Variants in FGF12 observed in about 807,000 individuals in gnomAD.
FGF12 encodes fibroblast growth factor 12B.
Under a neutral mutation model 23.6 loss-of-function variants are expected in FGF12, and 14 were observed. That is an observed-to-expected ratio of 0.59 (90% CI 0.39 to 0.93). FGF12 has a LOEUF of 0.93. Among genes scored for constraint, FGF12 ranks in the 40% least tolerant of loss-of-function variants. The probability of loss-of-function intolerance (pLI) is 0.00; values close to 1 mark genes in which losing one functional copy is unlikely to be tolerated. For missense variants in FGF12, 175 were observed against 217.8 expected, an observed-to-expected ratio of 0.80 and a Z score of 1.24; for synonymous variants, 62 against 77.3, an observed-to-expected ratio of 0.80 and a Z score of 1.04.
chr3:192,549,251 C>A lies in FGF12; in HGVS notation c.13+177930G>T, dbSNP rs142857413. On this transcript the variant is annotated intron_variant, in intron 2 of 5. Transcript: ENST00000445105. Reference sequence around the variant, plus strand: ...ATGACCTGACAACAAATTGTAAAACCCTAAACGATGGCAAATGCAGTCATG... The same window carrying A: ...ATGACCTGACAACAAATTGTAAAACACTAAACGATGGCAAATGCAGTCATG... Among the ~76,000 whole-genome samples the A allele has an allele frequency of 1.6e-4, 25 of 151,986 alleles. No homozygotes were observed. In the South Asian group the frequency reaches 2.5e-3, roughly 15 times the overall value.
intron 4 of FGF12, among the ~76,000 whole-genome samples, chr3:192,322,015 G>C (rs577613227): frequency 5.9e-5 from 9 of 151,994 alleles, no homozygotes; most frequent in Non-Finnish European, 1.2e-4. Context: ...AATTGGAATG[G>C]AAGAAGTAAA....
chr3:192,411,427 A>G (rs903726235), intron 2 of FGF12, among the ~76,000 whole-genome samples: 4 of 152,244 alleles, frequency 2.6e-5, no homozygotes, highest in African/African-American at 7.2e-5. Context: ...CAGCAGTTCA[A>G]TGTGGCTGAA....
At chr3:192,447,996 G>T (rs539235245) in intron 2 of FGF12, among the ~76,000 whole-genome samples, 1 of 152,006 alleles carries the variant, frequency 6.6e-6, no homozygotes, top group African/African-American at 2.4e-5. Context: ...GACTTCTTTC[G>T]CCCAATGTTA....
chr3:192,679,688 C>T (rs890336766), intron 2 of FGF12, among the ~76,000 whole-genome samples: 4 of 152,004 alleles, frequency 2.6e-5, no homozygotes, highest in African/African-American at 9.7e-5. Context: ...TACAGGGAGG[C>T]CCCAGATCCC....
At chr3:192,419,800 G>A (rs1000575397) in intron 2 of FGF12, among the ~76,000 whole-genome samples, 4 of 152,092 alleles carry the variant, frequency 2.6e-5, no homozygotes, top group African/African-American at 4.8e-5. Context: ...AGATAGTCAC[G>A]GAAAGCACAT....
chr3:192,402,999 T>C (rs989922966), intron 2 of FGF12, among the ~76,000 whole-genome samples: 1 of 152,180 alleles, frequency 6.6e-6, no homozygotes. Context: ...GGAATCATCA[T>C]ACAATCTATA....
intron 2 of FGF12, among the ~76,000 whole-genome samples, chr3:192,655,573 C>G (rs1716379956): frequency 6.6e-6 from 1 of 152,178 alleles, no homozygotes; most frequent in African/African-American, 2.4e-5. Context: ...ATTTAGTTTA[C>G]AAGTATTACT....
In FGF12 at chr3:192,311,416, T is replaced by C. The variant is rs543950656; in HGVS notation, c.228+23945A>G. 7.9e-5 allele frequency among the ~76,000 whole-genome samples: 12 copies of C among 152,326 alleles called. No homozygotes were observed. In the South Asian group the frequency reaches 2.5e-3, roughly 32 times the overall value. ...ATAAAGTATATCTTTTGTGACTAGC[T>C]TCTTCCATATCACATAATATTTTCA... On this transcript the variant is annotated intron_variant, in intron 4 of 5. Transcript: ENST00000445105.
At chr3:192,277,172 C>T (rs954291578) in intron 4 of FGF12, among the ~76,000 whole-genome samples, 24 of 152,106 alleles carry the variant, frequency 1.6e-4, no homozygotes, top group Admixed American at 1.4e-3. Context: ...TCTCTTAGCC[C>T]GTATACTCTC....
chr3:192,218,897 C>T (rs759459111), intron 4 of FGF12, among the ~76,000 whole-genome samples: 2 of 152,186 alleles, frequency 1.3e-5, no homozygotes, highest in African/African-American at 4.8e-5. Flanking sequence ...AGCTCTATGA[C>T]CACAACACAA....
chr3:192,503,563 GT>G (rs1724194999), intron 2 of FGF12, among the ~76,000 whole-genome samples: 1 of 139,204 alleles, frequency 7.2e-6, no homozygotes, highest in Non-Finnish European at 1.5e-5. Context: ...GTGATTGTTA[GT>G]TTTTGTTTTG....
chr3:192,559,165 A>C (rs1198025632), intron 2 of FGF12, among the ~76,000 whole-genome samples: 1 of 151,986 alleles, frequency 6.6e-6, no homozygotes, highest in African/African-American at 2.4e-5. Context: ...AGCCAACCTA[A>C]AGAATGAGAA....
At chr3:192,531,223 TGTC>T (rs1329917483) in intron 2 of FGF12, among the ~76,000 whole-genome samples, 2 of 152,330 alleles carry the variant, frequency 1.3e-5, no homozygotes, top group African/African-American at 4.8e-5. Context: ...TCATTTCAGT[TGTC>T]CACTCCACAT....
At chr3:192,347,842 G>C (rs1442368015) in intron 3 of FGF12, among the ~76,000 whole-genome samples, 3 of 152,068 alleles carry the variant, frequency 2.0e-5, no homozygotes, top group Non-Finnish European at 4.4e-5. Flanking sequence ...GACTTTCCAA[G>C]GCACTTCCTT....
chr3:192,428,443 T>C (rs914350712), intron 2 of FGF12, among the ~76,000 whole-genome samples: 1 of 152,222 alleles, frequency 6.6e-6, no homozygotes, highest in Non-Finnish European at 1.5e-5. Flanking sequence ...TTTATACTCC[T>C]GACTTGTCAA....
intron 2 of FGF12, among the ~76,000 whole-genome samples, chr3:192,677,888 C>G (rs1410125449): frequency 6.6e-6 from 1 of 152,206 alleles, no homozygotes; most frequent in Non-Finnish European, 1.5e-5. Context: ...AGAGGAAACA[C>G]TGGAGTCATT....
intron 2 of FGF12, among the ~76,000 whole-genome samples, chr3:192,370,879 C>T (rs1043661727): frequency 9.9e-5 from 15 of 152,112 alleles, no homozygotes; most frequent in African/African-American, 2.4e-4. Context: ...AATCCGAATC[C>T]GAATCAATCG....
rs1724613875 is a variant in FGF12, at chr3:192,514,893, G to A, written c.14-154355C>T. ...AGGTGGAGGGGAGTTTGCACATGGA[G>A]CCGGAGGGAGCCCGGGCGCCGGCAG... On this transcript the variant is annotated intron_variant, in intron 2 of 5. Transcript: ENST00000445105. The surrounding 1 kb of genome is among the most constrained non-coding windows in gnomAD (Gnocchi z 4.9). The A allele has an allele frequency of 3.0e-6, 3 of 985,004 alleles. No individual in the cohort carries two copies. In the African/African-American group the frequency reaches 5.2e-5, roughly 17 times the overall value. The allele number at this position is 985,004 out of a possible 1,614,324, so 61.0% of individuals were successfully genotyped here.
Position 192,514,380 on chromosome 3 carries a change from A to T in FGF12, c.14-153842T>A, listed in dbSNP as rs1724591376. The stretch of plus-strand genomic sequence containing the variant: ...CCGCGAGAAGGTGCGAACGCAGGTC[A>T]CGGCCAGCGCCGCTTGGAGAGAGAC... On this transcript the variant is annotated intron_variant, in intron 2 of 5. Coordinates refer to ENST00000445105, the MANE Select transcript of FGF12 (RefSeq NM_004113.6). The surrounding 1 kb of genome is among the most constrained non-coding windows in gnomAD (Gnocchi z 4.9). Among the ~76,000 whole-genome samples, 2 of 152,224 alleles carry T rather than the reference A, an allele frequency of 1.3e-5. No homozygotes were observed. The highest frequency in any genetic ancestry group is 4.8e-5 in the African/African-American group (2 of 41,472).
Sources: gnomAD v4.1 joint callset for allele counts (sites outside exome capture counted in the v4.1 genomes callset) on GRCh38, gnomAD v4.1.1 for gene constraint, Gnocchi (gnomAD v3.1) non-coding constraint, MANE v1.5 for transcripts, NCBI Gene and HGNC (gene_info 2026-07-23, HGNC 2026-07-21) for gene names.